Variants in PKHD1L1 observed in about 807,000 individuals in gnomAD.
PKHD1L1 encodes PKHD1 like 1.
PKHD1L1 carries 434 observed loss-of-function variants against 462.9 expected under a neutral mutation model. The observed-to-expected ratio is 0.94, with a 90% confidence interval of 0.87 to 1.02. The LOEUF (loss-of-function observed/expected upper bound fraction) is 1.02. PKHD1L1 is among the 50% of genes least tolerant of loss of function. PKHD1L1 has a pLI of 0.00. For missense variants in PKHD1L1, 5,202 were observed against 5,096.1 expected (o/e 1.02, Z -0.63); for synonymous variants, 1,781 against 1,750.0 (o/e 1.02, Z -0.44).
In PKHD1L1 at chr8:109,496,900, T is replaced by G; in HGVS notation, c.10328-19T>G. 1 of 1,599,194 alleles carries G rather than the reference T, an allele frequency of 6.3e-7. No individual in the cohort carries two copies. The highest frequency in any genetic ancestry group is 8.5e-7 in the Non-Finnish European group (1 of 1,171,424). ...ATGAAATGTAGTGTTCATTCTCTGG[T>G]TCTATATTTCCCTCCAAGGCCAGTT... On this transcript the variant is annotated intron_variant, in intron 63 of 77. Transcript: ENST00000378402.
intron 60 of PKHD1L1, among the ~76,000 whole-genome samples, chr8:109,490,581 G>T (rs1050209603): frequency 2.6e-5 from 4 of 151,574 alleles, no homozygotes; most frequent in African/African-American, 9.7e-5. Context: ...CATTTGAATA[G>T]TAACTCCTTG....
At chr8:109,477,102 C>T (rs1818027362) in intron 52 of PKHD1L1, 123 bp from the exon 53 acceptor site, 4 of 827,214 alleles carry the variant, frequency 4.8e-6, no homozygotes, top group Admixed American at 5.1e-5. Context: ...ATACCTCTTC[C>T]ATACATGTGA....
chr8:109,419,603 T>C (rs907145927), intron 22 of PKHD1L1, among the ~76,000 whole-genome samples: 1 of 152,162 alleles, frequency 6.6e-6, no homozygotes, highest in African/African-American at 2.4e-5. Context: ...ATTCCCAAAA[T>C]GCAACTACTG....
chr8:109,393,536 G>T (rs1001302725), intron 9 of PKHD1L1, among the ~76,000 whole-genome samples: 1 of 152,136 alleles, frequency 6.6e-6, no homozygotes, highest in African/African-American at 2.4e-5. Context: ...TTGCTAATTT[G>T]CTGTCATCCA....
intron 45 of PKHD1L1, 62 bp from the exon 46 acceptor site, chr8:109,456,199 TA>T: frequency 1.3e-6 from 2 of 1,504,342 alleles, no homozygotes; most frequent in Non-Finnish European, 1.8e-6. Context: ...TTAAAATGTA[TA>T]AAGTTCTCAA....
chr8:109,417,667 G>A (rs752453386), intron 21 of PKHD1L1, among the ~76,000 whole-genome samples: 4 of 151,824 alleles, frequency 2.6e-5, no homozygotes, highest in Admixed American at 1.3e-4. Flanking sequence ...CCTCTGCCTC[G>A]GCCTCCTGAG....
At chr8:109,497,093 G>T in intron 64 of PKHD1L1, 26 bp downstream of exon 64, 1 of 1,612,592 alleles carries the variant, frequency 6.2e-7, no homozygotes, top group African/African-American at 1.3e-5. Flanking sequence ...GATGGTGATT[G>T]TTTATTTTCT....
At chr8:109,412,100 C>T (rs955037949) in intron 19 of PKHD1L1, among the ~76,000 whole-genome samples, 165 bp from the exon 20 acceptor site, 22 of 151,908 alleles carry the variant, frequency 1.4e-4, no homozygotes, top group East Asian at 3.8e-4. Context: ...ATTATGGATC[C>T]GAATGAGAGC....
chr8:109,453,537 G>A (rs780490061), intron 43 of PKHD1L1, among the ~76,000 whole-genome samples: 5 of 152,118 alleles, frequency 3.3e-5, no homozygotes, highest in Admixed American at 6.5e-5. Context: ...CTTAGCCACC[G>A]GAAGACTCCT....
chr8:109,527,547 T>G (rs1282903868), intron 77 of PKHD1L1, among the ~76,000 whole-genome samples: 3 of 152,100 alleles, frequency 2.0e-5, no homozygotes, highest in Non-Finnish European at 2.9e-5. Flanking sequence ...ATAAATAATG[T>G]GAAACAAAAG....
chr8:109,388,395 GA>G (rs565050353), intron 6 of PKHD1L1, 101 bp from the exon 7 acceptor site: 10 of 819,786 alleles, frequency 1.2e-5, no homozygotes, highest in South Asian at 3.1e-5. Flanking sequence ...AAGTGATTGA[GA>G]AAAAAAATTT....
chr8:109,385,662 AAC>A lies in PKHD1L1; in HGVS notation c.569+33_569+34del, dbSNP rs745979853. 4.8e-3 allele frequency: 6,633 copies of A among 1,371,296 alleles called. 24 individuals are homozygous for A. Among genetic ancestry groups the A allele is most frequent in the Non-Finnish European group, 5.7e-3 (5,598 of 976,304 alleles). The allele number at this position is 1,371,296 out of a possible 1,614,324, so 84.9% of individuals were successfully genotyped here. ...TTTTGATGTGGAAATATATTCTTAT[AAC>A]TCATAAATGAGAAGTAATATTATAA... On this transcript the variant is annotated intron_variant, in intron 6 of 77. Transcript: ENST00000378402.
Position 109,442,105 on chromosome 8 carries a change from A to G in PKHD1L1, c.4303A>G (p.Ile1435Val). ...HWQTHPFLRG[I>V]GYRIFSVSSP... ...GCAAACACATCCGTTTCTTAGAGGG[A>G]TAGGATATAGGATTTTTTCTGTCTC... The change falls in exon 35 of 78, where the codon ATA (isoleucine) becomes GTA (valine). Residue 1435 changes from isoleucine to valine, a missense_variant. Transcript: ENST00000378402. The G allele has an allele frequency of 6.2e-7, 1 of 1,613,510 alleles. No homozygotes were observed. Among genetic ancestry groups the G allele is most frequent in the Non-Finnish European group, 8.5e-7 (1 of 1,179,592 alleles).
At chr8:109,449,237 G>A (rs1411548802) in intron 39 of PKHD1L1, 101 bp from the exon 40 acceptor site, 52 of 1,182,160 alleles carry the variant, frequency 4.4e-5, no homozygotes, top group Non-Finnish European at 4.6e-6. Context: ...TTCATTTAAT[G>A]TAACTTACTT....
At chr8:109,521,013 C>T (rs1820524108) in intron 73 of PKHD1L1, among the ~76,000 whole-genome samples, 1 of 152,126 alleles carries the variant, frequency 6.6e-6, no homozygotes, top group Non-Finnish European at 1.5e-5. Context: ...AGCCCTCAGA[C>T]TTGGGAGGCC....
intron 77 of PKHD1L1, among the ~76,000 whole-genome samples, chr8:109,529,182 T>C (rs1251694866): frequency 6.6e-6 from 1 of 152,118 alleles, no homozygotes; most frequent in African/African-American, 2.4e-5. Flanking sequence ...ACTGCTGGGC[T>C]TTCATGAATA....
intron 2 of PKHD1L1, among the ~76,000 whole-genome samples, chr8:109,367,901 T>C (rs1811310694): frequency 6.6e-6 from 1 of 152,158 alleles, no homozygotes; most frequent in Non-Finnish European, 1.5e-5. Context: ...AAACCCTGCT[T>C]TAAAAACAAA....
intron 71 of PKHD1L1, 22 bp from the exon 72 acceptor site, chr8:109,515,148 A>G: frequency 6.7e-7 from 1 of 1,501,516 alleles, no homozygotes; most frequent in Non-Finnish European, 9.0e-7. Context: ...TTGCTTTCTT[A>G]AAACTTTTTT....
intron 19 of PKHD1L1, among the ~76,000 whole-genome samples, chr8:109,410,918 G>A (rs1018374752): frequency 1.3e-5 from 2 of 150,886 alleles, no homozygotes; most frequent in South Asian, 2.1e-4. Flanking sequence ...TAGTAGAGAC[G>A]GGGTTTCACA....
Sources: allele counts gnomAD v4.1 joint callset (sites outside exome capture counted in the v4.1 genomes callset), GRCh38; gene constraint gnomAD v4.1.1; transcripts MANE v1.5; gene names NCBI Gene and HGNC (gene_info 2026-07-23, HGNC 2026-07-21).